Variants in TRIO observed in about 807,000 individuals in gnomAD.
The protein encoded by TRIO is triple functional domain protein.
In TRIO, 58 loss-of-function variants were observed where a neutral mutation model predicts 351.9. The ratio of observed to expected loss-of-function variants is 0.16; its 90% CI spans 0.13 to 0.21. The LOEUF is 0.21. Among genes scored for constraint, TRIO ranks in the 10% least tolerant of loss-of-function variants. TRIO has a pLI of 1.00. For missense variants in TRIO, 3,201 were observed against 4,027.8 expected (o/e 0.79, Z 5.56); for synonymous variants, 1,758 against 1,595.7 (o/e 1.10, Z -2.42).
chr5:14,501,107 T>TA (rs919448753), intron 53 of TRIO, among the ~76,000 whole-genome samples: 27 of 151,722 alleles, frequency 1.8e-4, no homozygotes, highest in African/African-American at 6.3e-4. Flanking sequence ...CCCTTTCAGT[T>TA]AAAAAAAGAA....
chr5:14,204,661 C>G (rs1791347554), intron 1 of TRIO, among the ~76,000 whole-genome samples: 1 of 152,082 alleles, frequency 6.6e-6, no homozygotes, highest in Non-Finnish European at 1.5e-5. Flanking sequence ...AGTCCTGAAC[C>G]CTGTCTCTCA....
intron 1 of TRIO, among the ~76,000 whole-genome samples, chr5:14,168,768 G>A (rs1266669492): frequency 6.6e-6 from 1 of 152,194 alleles, no homozygotes; most frequent in Non-Finnish European, 1.5e-5. Context: ...GTTACTATAT[G>A]TCCATCTATG....
chr5:14,488,083 C>T lies in TRIO; in HGVS notation c.7455C>T (p.Phe2485=). Residue 2485 remains phenylalanine (F), a synonymous_variant, in exon 48 of 57, where the codon TTC becomes TTT. Coordinates refer to ENST00000344204, the MANE Select transcript of TRIO (RefSeq NM_007118.4). ...GCCCCCTGCAGAAGGGGGGCTCCTT[C>T]TGGAGCTCCATCCCCGCCTCCCCCG... The part of the protein sequence containing the change: ...PSSPLQKGGS[F]WSSIPASPAS... 7.5e-6 allele frequency: 12 copies of T among 1,609,874 alleles called. No homozygotes were observed. Among genetic ancestry groups the T allele is most frequent in the Non-Finnish European group, 9.3e-6 (11 of 1,179,052 alleles).
At chr5:14,293,294 G>T (rs1364401655) in intron 6 of TRIO, among the ~76,000 whole-genome samples, 160 bp downstream of exon 6, 1 of 152,186 alleles carries the variant, frequency 6.6e-6, no homozygotes, top group Non-Finnish European at 1.5e-5. Context: ...GGGTTCCATT[G>T]TCTCACTATC....
At chr5:14,188,351 G>T (rs1790248010) in intron 1 of TRIO, among the ~76,000 whole-genome samples, 1 of 152,162 alleles carries the variant, frequency 6.6e-6, no homozygotes, top group Non-Finnish European at 1.5e-5. Flanking sequence ...GGAAACTGAG[G>T]TACAGAGAGA....
chr5:14,492,895 G>T, intron 49 of TRIO, 81 bp downstream of exon 49: 1 of 1,560,862 alleles, frequency 6.4e-7, no homozygotes, highest in Non-Finnish European at 8.7e-7. Context: ...GACCTCAGAC[G>T]GGGTAAGCAT....
intron 34 of TRIO, among the ~76,000 whole-genome samples, chr5:14,427,341 C>G (rs1042344357): frequency 2.0e-5 from 3 of 152,164 alleles, no homozygotes; most frequent in African/African-American, 4.8e-5. Flanking sequence ...CCTTCACCCC[C>G]CATGGCACAG....
intron 55 of TRIO, among the ~76,000 whole-genome samples, chr5:14,505,810 A>G (rs1334035576): frequency 5.3e-5 from 8 of 152,132 alleles, no homozygotes; most frequent in Admixed American, 5.2e-4. Context: ...GCACATGGGG[A>G]CGTGCTTCCA....
chr5:14,249,088 G>A (rs1304425618), intron 1 of TRIO, among the ~76,000 whole-genome samples: 7 of 152,234 alleles, frequency 4.6e-5, no homozygotes, highest in Non-Finnish European at 8.8e-5. Context: ...TCTTGGCAGT[G>A]CTAACCTTGG....
At chr5:14,360,491 C>T (rs1199627035) in intron 13 of TRIO, among the ~76,000 whole-genome samples, 3 of 152,188 alleles carry the variant, frequency 2.0e-5, no homozygotes, top group Non-Finnish European at 4.4e-5. Flanking sequence ...TCTGGGCTGC[C>T]CTGTGGGTCC....
chr5:14,204,924 T>G (rs903638574), intron 1 of TRIO, among the ~76,000 whole-genome samples: 2 of 152,220 alleles, frequency 1.3e-5, no homozygotes, highest in African/African-American at 4.8e-5. Flanking sequence ...GTATACACTT[T>G]AGTAATAATA....
chr5:14,248,871 A>G (rs1315147580), intron 1 of TRIO, among the ~76,000 whole-genome samples: 1 of 152,172 alleles, frequency 6.6e-6, no homozygotes, highest in Non-Finnish European at 1.5e-5. Context: ...GGAGTGTATT[A>G]ACTTGGACGT....
chr5:14,402,961 A>C (rs1748217706), intron 31 of TRIO, among the ~76,000 whole-genome samples: 1 of 151,350 alleles, frequency 6.6e-6, no homozygotes, highest in African/African-American at 2.4e-5. Flanking sequence ...GAGATACTTT[A>C]GATTTTAATG....
chr5:14,477,283 G>A (rs1252778559), intron 41 of TRIO: 1 of 227,616 alleles, frequency 4.4e-6, no homozygotes. Flanking sequence ...AACTGTACCT[G>A]CAGTGGGTTT....
At position 14,509,304 on chromosome 5, in the gene TRIO, T is replaced by C; in HGVS notation, c.*882T>C. ...TGGCTTTAACATTTTATGCAACTATTTATGAAGACCTCTGTTGTACCTGTA... is the reference window on the plus strand; with the variant it reads ...TGGCTTTAACATTTTATGCAACTATCTATGAAGACCTCTGTTGTACCTGTA... On this transcript the variant is annotated 3_prime_UTR_variant, in exon 57 of 57. Coordinates refer to ENST00000344204, the MANE Select transcript of TRIO (RefSeq NM_007118.4). 2.5e-6 allele frequency: 1 copy of C among 393,364 alleles called. No individual in the cohort carries two copies. The highest frequency in any genetic ancestry group is 4.9e-6 in the Non-Finnish European group (1 of 203,410). 24.4% of individuals were successfully genotyped at this position (393,364 alleles called of 1,614,324 possible).
chr5:14,190,581 C>T (rs570832274), intron 1 of TRIO, among the ~76,000 whole-genome samples: 2 of 152,100 alleles, frequency 1.3e-5, no homozygotes, highest in South Asian at 4.2e-4. Context: ...TGTGGCCGTT[C>T]CTGCCCTGTT....
At chr5:14,478,342 C>T (rs1361262089) in intron 41 of TRIO, among the ~76,000 whole-genome samples, 1 of 152,106 alleles carries the variant, frequency 6.6e-6, no homozygotes, top group African/African-American at 2.4e-5. Flanking sequence ...TGCCAAGGTG[C>T]CAGCAATTTC....
intron 31 of TRIO, among the ~76,000 whole-genome samples, chr5:14,405,126 C>T (rs1271937092): frequency 6.0e-5 from 9 of 149,796 alleles, no homozygotes; most frequent in African/African-American, 1.2e-4. Context: ...TGATGTCGTG[C>T]GTGCTCAGTC....
At chr5:14,499,514 C>G (rs759961888) in intron 53 of TRIO, among the ~76,000 whole-genome samples, 2 of 152,212 alleles carry the variant, frequency 1.3e-5, no homozygotes, top group Non-Finnish European at 2.9e-5. Flanking sequence ...AGCACCCCGT[C>G]TGTAGACAAT....
Sources: allele counts gnomAD v4.1 joint callset (sites outside exome capture counted in the v4.1 genomes callset), GRCh38; gene constraint gnomAD v4.1.1; transcripts MANE v1.5; gene names NCBI Gene and HGNC (gene_info 2026-07-23, HGNC 2026-07-21).